ZBTB16: variants seen among roughly 807,000 people sequenced by gnomAD.
The protein encoded by ZBTB16 is zinc finger and BTB domain-containing protein 16.
Under a neutral mutation model 56.8 loss-of-function variants are expected in ZBTB16, and 8 were observed. That is an observed-to-expected ratio of 0.14 (90% CI 0.08 to 0.25). The LOEUF (loss-of-function observed/expected upper bound fraction) is 0.25, where lower values mean the gene tolerates loss of function less well. ZBTB16 is among the 10% of genes least tolerant of loss of function. ZBTB16 has a pLI of 1.00. For synonymous variants in ZBTB16, 363 were observed against 368.5 expected (o/e 0.98, Z 0.17); for missense variants, 625 against 903.0 (o/e 0.69, Z 3.95).
chr11:114,114,761 C>T (rs1273713044), intron 2 of ZBTB16, among the ~76,000 whole-genome samples: 1 of 151,482 alleles, frequency 6.6e-6, no homozygotes, highest in Non-Finnish European at 1.5e-5. Context: ...CTCACTGCAA[C>T]CTCTGCCTGC....
chr11:114,152,587 G>A (rs539961889), intron 2 of ZBTB16, among the ~76,000 whole-genome samples: 2 of 152,222 alleles, frequency 1.3e-5, no homozygotes, highest in East Asian at 3.8e-4. Context: ...GGGAGAACTT[G>A]AGTCTGTTCC....
At chr11:114,098,354 C>T (rs1940492499) in intron 2 of ZBTB16, among the ~76,000 whole-genome samples, 1 of 152,040 alleles carries the variant, frequency 6.6e-6, no homozygotes, top group African/African-American at 2.4e-5. Context: ...GGCGTGTGGG[C>T]GCACTGGCAC....
intron 2 of ZBTB16, among the ~76,000 whole-genome samples, chr11:114,105,688 T>C (rs1453720053): frequency 6.6e-6 from 1 of 152,202 alleles, no homozygotes; most frequent in East Asian, 1.9e-4. Context: ...TTAAATGAAC[T>C]TTTTCCCCTG....
chr11:114,086,083 A>C (rs548408358), intron 2 of ZBTB16, among the ~76,000 whole-genome samples: 15 of 151,786 alleles, frequency 9.9e-5, no homozygotes, highest in African/African-American at 3.6e-4. Flanking sequence ...ACGCCCACTA[A>C]CTCCTGCCCT....
At chr11:114,083,546 G>T (rs552731039) in intron 2 of ZBTB16, among the ~76,000 whole-genome samples, 41 of 152,246 alleles carry the variant, frequency 2.7e-4, no homozygotes, top group African/African-American at 8.7e-4. Context: ...AGCCCTTTCA[G>T]ATGAGCTGAG....
intron 2 of ZBTB16, among the ~76,000 whole-genome samples, chr11:114,084,796 A>G (rs540777932): frequency 5.3e-5 from 8 of 152,274 alleles, no homozygotes; most frequent in Middle Eastern, 3.4e-3. Flanking sequence ...AATACAGTCA[A>G]TGTTTAGATG....
intron 2 of ZBTB16, among the ~76,000 whole-genome samples, chr11:114,124,543 ACAAAAAAAAAAAC>A (rs1458556228): frequency 3.1e-4 from 42 of 133,836 alleles, no homozygotes; most frequent in African/African-American, 1.0e-3. Flanking sequence ...CAAAAACAAA[ACAAAAAAAAAAAC>A]CAAAAAAAAA....
intron 2 of ZBTB16, among the ~76,000 whole-genome samples, chr11:114,145,210 G>A (rs768518074): frequency 1.3e-5 from 2 of 152,240 alleles, no homozygotes; most frequent in African/African-American, 4.8e-5. Flanking sequence ...ATACATTGCT[G>A]ATGGGAATGT....
intron 4 of ZBTB16, among the ~76,000 whole-genome samples, chr11:114,199,701 G>C (rs2135099493): frequency 6.6e-6 from 1 of 152,302 alleles, no homozygotes. Flanking sequence ...TACTGTTTGG[G>C]GGGTTCTGTG....
intron 2 of ZBTB16, among the ~76,000 whole-genome samples, chr11:114,110,716 G>C (rs923651306): frequency 1.3e-5 from 2 of 152,168 alleles, no homozygotes; most frequent in Non-Finnish European, 2.9e-5. Flanking sequence ...ATTTATAAGT[G>C]ATAGAAACTG....
At chr11:114,095,245 CTTTTTTTT>C (rs745895999) in intron 2 of ZBTB16, among the ~76,000 whole-genome samples, 22 of 90,452 alleles carry the variant, frequency 2.4e-4, no homozygotes, top group African/African-American at 1.1e-3. Context: ...CTTTTCTTTT[CTTTTTTTT>C]TTTTTTTTTT....
At chr11:114,086,311 T>C (rs562339305) in intron 2 of ZBTB16, among the ~76,000 whole-genome samples, 3 of 152,224 alleles carry the variant, frequency 2.0e-5, no homozygotes, top group South Asian at 4.2e-4. Flanking sequence ...GGATTGTCCT[T>C]CTTTTTCTCC....
chr11:114,193,579 C>T (rs916489175), intron 4 of ZBTB16, among the ~76,000 whole-genome samples: 2 of 152,158 alleles, frequency 1.3e-5, no homozygotes, highest in Non-Finnish European at 2.9e-5. Context: ...TTTAGTTCCC[C>T]TAATAATCAA....
intron 3 of ZBTB16, among the ~76,000 whole-genome samples, chr11:114,177,950 A>G (rs1202224172): frequency 4.6e-5 from 7 of 152,186 alleles, no homozygotes; most frequent in Non-Finnish European, 1.0e-4. Flanking sequence ...TCACTCATGT[A>G]TTTTTAAAAA....
At chr11:114,093,581 T>G (rs1198714024) in intron 2 of ZBTB16, among the ~76,000 whole-genome samples, 4 of 152,174 alleles carry the variant, frequency 2.6e-5, no homozygotes, top group African/African-American at 7.2e-5. Context: ...AGCATTGTCC[T>G]GAAAGGTAGA....
rs575662574 is a variant in ZBTB16 at position 114,138,009 on chromosome 11, G to C, written c.1269-18328G>C. 2.6e-5 allele frequency among the ~76,000 whole-genome samples: 4 copies of C among 152,342 alleles called. No homozygotes were observed. In the South Asian group the frequency reaches 6.2e-4, roughly 24 times the overall value. Reference sequence around the variant, plus strand: ...GAAGGCAAGGAGCAAGGCGTGGGCTGTGGGGCCCTTGGGGCAGAGCCTGTC... The same window carrying C: ...GAAGGCAAGGAGCAAGGCGTGGGCTCTGGGGCCCTTGGGGCAGAGCCTGTC... On this transcript the variant is annotated intron_variant, in intron 2 of 6. Coordinates refer to ENST00000335953, the MANE Select transcript of ZBTB16 (RefSeq NM_006006.6).
At chr11:114,242,908 G>A (rs1347971702) in intron 5 of ZBTB16, among the ~76,000 whole-genome samples, 2 of 152,316 alleles carry the variant, frequency 1.3e-5, no homozygotes, top group East Asian at 1.9e-4. Flanking sequence ...GCATTTAAAC[G>A]ATGAGCAATG....
At chr11:114,082,900 G>A (rs73000929) in intron 2 of ZBTB16, among the ~76,000 whole-genome samples, 3,094 of 152,224 alleles carry the variant, frequency 0.02, 52 homozygotes, top group Non-Finnish European at 0.03. Context: ...AGTGAACAGC[G>A]ACGCTATCTC....
intron 3 of ZBTB16, among the ~76,000 whole-genome samples, chr11:114,183,661 T>G (rs900731629): frequency 1.3e-5 from 2 of 152,160 alleles, no homozygotes; most frequent in East Asian, 3.9e-4. Context: ...AAGGAAGAAA[T>G]ACAATTAAAA....
Sources: gnomAD v4.1 joint callset for allele counts (sites outside exome capture counted in the v4.1 genomes callset) on GRCh38, gnomAD v4.1.1 for gene constraint, MANE v1.5 for transcripts, NCBI Gene and HGNC (gene_info 2026-07-23, HGNC 2026-07-21) for gene names.